PHACTR1: variants seen among roughly 807,000 people sequenced by gnomAD.
PHACTR1 encodes phosphatase and actin regulator 1.
Under a neutral mutation model 69.2 loss-of-function variants are expected in PHACTR1, and 16 were observed. That is an observed-to-expected ratio of 0.23 (90% CI 0.16 to 0.35). The LOEUF (loss-of-function observed/expected upper bound fraction) is 0.35, where lower values mean the gene tolerates loss of function less well. PHACTR1 is among the 10% of genes least tolerant of loss of function. The pLI is 1.00. For synonymous variants in PHACTR1, 312 were observed against 284.5 expected (o/e 1.10, Z -0.97); for missense variants, 510 against 734.7 (o/e 0.69, Z 3.54).
At chr6:12,736,895 G>A (rs533656103) in intron 3 of PHACTR1, among the ~76,000 whole-genome samples, 10 of 151,928 alleles carry the variant, frequency 6.6e-5, no homozygotes, top group East Asian at 3.9e-4. Context: ...TGATCTATTC[G>A]TCTAGAGAGG....
intron 7 of PHACTR1, 90 bp from the exon 8 acceptor site, chr6:13,205,725 C>A: frequency 1.6e-6 from 2 of 1,274,912 alleles, no homozygotes; most frequent in Non-Finnish European, 2.2e-6. Flanking sequence ...AACTCATTGG[C>A]CACAGTCTCC....
intron 4 of PHACTR1, among the ~76,000 whole-genome samples, chr6:12,751,100 G>A (rs528455601): frequency 6.6e-6 from 1 of 152,338 alleles, no homozygotes; most frequent in East Asian, 1.9e-4. Flanking sequence ...AAACTGCATA[G>A]AAAAACAAGA....
intron 6 of PHACTR1, among the ~76,000 whole-genome samples, chr6:13,164,143 C>T (rs1759443559): frequency 6.6e-6 from 1 of 151,292 alleles, no homozygotes; most frequent in Non-Finnish European, 1.5e-5. Context: ...AATTCGGTTC[C>T]ACCTGGCTTT....
intron 4 of PHACTR1, among the ~76,000 whole-genome samples, chr6:12,842,953 A>G (rs1406172501): frequency 6.6e-6 from 1 of 152,224 alleles, no homozygotes; most frequent in Admixed American, 6.5e-5. Context: ...GCACATAATT[A>G]TAATTGTTTT....
chr6:13,231,228 G>A (rs970636686), intron 10 of PHACTR1, among the ~76,000 whole-genome samples: 8 of 141,250 alleles, frequency 5.7e-5, no homozygotes, highest in Non-Finnish European at 1.1e-4. Context: ...AAGAAAGAAG[G>A]AAAGAGAGAA....
chr6:13,044,568 C>T (rs1021621790), intron 4 of PHACTR1, among the ~76,000 whole-genome samples: 2 of 152,082 alleles, frequency 1.3e-5, no homozygotes, highest in Admixed American at 6.5e-5. Context: ...GGCGTCAGGA[C>T]GGAGATGAAC....
chr6:13,274,892 A>G (rs1358107794), intron 11 of PHACTR1: 2 of 152,218 alleles, frequency 1.3e-5, no homozygotes, highest in African/African-American at 4.8e-5. Flanking sequence ...CAATTCTAAC[A>G]GGTTGGTCAT....
At chr6:13,162,275 TTTTGTTTGTTTGTTTG>T (rs144466160) in intron 6 of PHACTR1, among the ~76,000 whole-genome samples, 2 of 149,730 alleles carry the variant, frequency 1.3e-5, no homozygotes, top group African/African-American at 4.9e-5. Flanking sequence ...ACTTTTGTTT[TTTTGTTTGTTTGTTTG>T]TTTGTTTGTT....
chr6:13,206,348 C>T (rs551208629), intron 8 of PHACTR1, among the ~76,000 whole-genome samples: 156 of 152,146 alleles, frequency 1.0e-3, no homozygotes, highest in African/African-American at 3.5e-3. Flanking sequence ...TCACATTTAT[C>T]GGAAAGAAAA....
intron 10 of PHACTR1, chr6:13,267,409 C>T (rs878875605): frequency 1.3e-5 from 2 of 152,222 alleles, no homozygotes; most frequent in Admixed American, 1.3e-4. Flanking sequence ...TGCAGAACCA[C>T]AGACACTTTA....
At chr6:13,135,648 T>C (rs1821431844) in intron 5 of PHACTR1, among the ~76,000 whole-genome samples, 1 of 152,070 alleles carries the variant, frequency 6.6e-6, no homozygotes, top group Non-Finnish European at 1.5e-5. Flanking sequence ...GTAAAGACAA[T>C]ATATAGAGAC....
In PHACTR1 at chr6:12,826,489, A is replaced by G. The variant is rs190248539; in HGVS notation, c.250+76699A>G. On this transcript the variant is annotated intron_variant, in intron 4 of 14. Transcript: ENST00000332995. ...GATGACTTTTGCCTGTGAGATTATC[A>G]TCTCCATGGGGAAATAGCTGTAGCC... is the stretch of plus-strand genomic sequence containing the variant. 1.7e-3 allele frequency among the ~76,000 whole-genome samples: 260 copies of G among 152,290 alleles called. 6 individuals are homozygous for G. The highest frequency in any genetic ancestry group is 0.015 in the Admixed American group (225 of 15,306).
intron 5 of PHACTR1, among the ~76,000 whole-genome samples, chr6:13,099,862 G>T (rs943333987): frequency 1.3e-5 from 2 of 152,168 alleles, no homozygotes; most frequent in African/African-American, 4.8e-5. Context: ...ATTAGCACTA[G>T]CCTCAGTCAA....
intron 4 of PHACTR1, among the ~76,000 whole-genome samples, chr6:13,016,348 A>G (rs1414915320): frequency 6.6e-6 from 1 of 152,226 alleles, no homozygotes; most frequent in African/African-American, 2.4e-5. Context: ...TTCCTCATTC[A>G]TCACCGAAGA....
chr6:13,124,934 C>G (rs1346438863), intron 5 of PHACTR1, among the ~76,000 whole-genome samples: 1 of 152,146 alleles, frequency 6.6e-6, no homozygotes, highest in Non-Finnish European at 1.5e-5. Flanking sequence ...AATGGCCAGT[C>G]CTTAATATGA....
intron 10 of PHACTR1, among the ~76,000 whole-genome samples, chr6:13,268,082 C>T (rs551933427): frequency 4.6e-5 from 7 of 152,172 alleles, no homozygotes; most frequent in South Asian, 2.1e-4. Context: ...GCCTGGCCAA[C>T]GTGGTGAAAC....
chr6:13,173,584 TC>T (rs1246355413), intron 6 of PHACTR1, among the ~76,000 whole-genome samples: 1 of 152,214 alleles, frequency 6.6e-6, no homozygotes, highest in Non-Finnish European at 1.5e-5. Flanking sequence ...TAACTGTTAC[TC>T]AACACATCAT....
At chr6:13,004,354 T>C (rs1299810485) in intron 4 of PHACTR1, among the ~76,000 whole-genome samples, 2 of 152,154 alleles carry the variant, frequency 1.3e-5, no homozygotes, top group Non-Finnish European at 2.9e-5. Context: ...ACTATGATTT[T>C]AGTTAGCATT....
intron 10 of PHACTR1, among the ~76,000 whole-genome samples, chr6:13,269,245 C>T (rs202075): frequency 0.1 from 15,667 of 152,168 alleles, 1,148 homozygotes; most frequent in Admixed American, 0.23. Flanking sequence ...AAAGTGGCTG[C>T]GCATCTCTTA....
Sources: gnomAD v4.1 joint callset for allele counts (sites outside exome capture counted in the v4.1 genomes callset) on GRCh38, gnomAD v4.1.1 for gene constraint, MANE v1.5 for transcripts, NCBI Gene and HGNC (gene_info 2026-07-23, HGNC 2026-07-21) for gene names.